CATSPERB: variants seen among roughly 807,000 people sequenced by gnomAD.
CATSPERB encodes the protein cation channel sperm-associated auxiliary subunit beta.
Under a neutral mutation model 128.3 loss-of-function variants are expected in CATSPERB, and 93 were observed. The ratio of observed to expected loss-of-function variants is 0.72; its 90% CI spans 0.61 to 0.86. CATSPERB has a LOEUF of 0.86. CATSPERB is among the 40% of genes least tolerant of loss of function. The pLI is 0.00. For missense variants in CATSPERB, 1,153 were observed against 1,329.5 expected (o/e 0.87, Z 2.06); for synonymous variants, 381 against 448.8 (o/e 0.85, Z 1.91).
chr14:91,667,714 A>T (rs1193913010), intron 14 of CATSPERB, among the ~76,000 whole-genome samples: 1 of 152,204 alleles, frequency 6.6e-6, no homozygotes, highest in Non-Finnish European at 1.5e-5. Flanking sequence ...TCAGGGAAAG[A>T]GTGTTGTTTT....
chr14:91,644,583 G>A (rs1894560741), intron 15 of CATSPERB, among the ~76,000 whole-genome samples: 1 of 97,254 alleles, frequency 1.0e-5, no homozygotes, highest in East Asian at 3.8e-4. Context: ...GAGATCCGCT[G>A]TTAGTCTGAT....
chr14:91,644,194 A>AATT (rs1211375484), intron 15 of CATSPERB, among the ~76,000 whole-genome samples: 14 of 129,044 alleles, frequency 1.1e-4, no homozygotes, highest in African/African-American at 4.1e-4. Flanking sequence ...TTAATTGGAG[A>AATT]ATTTAGTCCA....
At chr14:91,724,299 G>A (rs1896084016) in intron 3 of CATSPERB, among the ~76,000 whole-genome samples, 1 of 152,144 alleles carries the variant, frequency 6.6e-6, no homozygotes, top group African/African-American at 2.4e-5. Context: ...CCCCAGCTCT[G>A]TAAGTCCGTC....
rs962458942 is a variant in CATSPERB at position 91,725,129 on chromosome 14, A to G, written c.119T>C (p.Phe40Ser). 3 of 1,580,868 alleles carry G rather than the reference A, an allele frequency of 1.9e-6. No homozygotes were observed. Among genetic ancestry groups the G allele is most frequent in the Non-Finnish European group, 2.6e-6 (3 of 1,165,458 alleles). The change falls in exon 3 of 27, where the codon TTC (phenylalanine) becomes TCC (serine). Residue 40 changes from phenylalanine to serine, a missense_variant. Coordinates refer to ENST00000256343, the MANE Select transcript of CATSPERB (RefSeq NM_024764.4). ...EKRFACSNKG[F>S]PQENEIIKLY... ...CTTGATTATTTCATTCTCTTGAGGG[A>G]ACCCTTTGTTAGAACATGCAAAGCG...
chr14:91,701,864 T>C (rs1255220322), intron 7 of CATSPERB, among the ~76,000 whole-genome samples: 1 of 150,962 alleles, frequency 6.6e-6, no homozygotes, highest in Admixed American at 6.6e-5. Flanking sequence ...TGAGCCATGA[T>C]TGTGCCTCTG....
At chr14:91,589,235 C>T (rs535008536) in intron 24 of CATSPERB, among the ~76,000 whole-genome samples, 2 of 152,362 alleles carry the variant, frequency 1.3e-5, no homozygotes, top group Non-Finnish European at 2.9e-5. Context: ...TGCCAGACCA[C>T]CATGCAGCAC....
At chr14:91,583,792 T>A (rs1321906692) in intron 26 of CATSPERB, among the ~76,000 whole-genome samples, 1 of 152,194 alleles carries the variant, frequency 6.6e-6, no homozygotes, top group Non-Finnish European at 1.5e-5. Context: ...CTTTTTTTTT[T>A]CTTCAGTTAT....
At position 91,624,815 on chromosome 14, in the gene CATSPERB, C is replaced by A. The variant is rs367892558; in HGVS notation, c.1930+5G>T. 1.9e-6 allele frequency: 3 copies of A among 1,579,232 alleles called. No homozygotes were observed. The highest frequency in any genetic ancestry group is 1.4e-5 in the African/African-American group (1 of 72,828). On this transcript the variant is annotated splice_donor_5th_base_variant and intron_variant, in intron 18 of 26. Coordinates refer to ENST00000256343, the MANE Select transcript of CATSPERB (RefSeq NM_024764.4). ...ATCAGAGATGTATGATATTATTATA[C>A]CTACCTTGTGAATCAAGAGTGAGTT...
At chr14:91,630,124 T>C (rs1365783005) in intron 17 of CATSPERB, among the ~76,000 whole-genome samples, 1 of 152,204 alleles carries the variant, frequency 6.6e-6, no homozygotes, top group African/African-American at 2.4e-5. Context: ...ATTCTTATTT[T>C]ACTCAAGTCT....
chr14:91,674,866 C>T (rs920174229), intron 11 of CATSPERB, among the ~76,000 whole-genome samples: 3 of 152,184 alleles, frequency 2.0e-5, no homozygotes, highest in African/African-American at 4.8e-5. Context: ...TGGGACAGGA[C>T]ACACAGACCT....
intron 20 of CATSPERB, among the ~76,000 whole-genome samples, chr14:91,617,384 G>A (rs1893959712): frequency 6.6e-6 from 1 of 151,998 alleles, no homozygotes; most frequent in African/African-American, 2.4e-5. Flanking sequence ...AAATATATAA[G>A]TAATTACTAA....
chr14:91,690,579 A>G (rs555074746), intron 10 of CATSPERB, among the ~76,000 whole-genome samples: 2 of 152,298 alleles, frequency 1.3e-5, no homozygotes, highest in East Asian at 1.9e-4. Context: ...ATGGAATTCT[A>G]TTTTGACAGT....
chr14:91,718,031 A>G (rs1895971523), intron 5 of CATSPERB, among the ~76,000 whole-genome samples: 1 of 152,196 alleles, frequency 6.6e-6, no homozygotes, highest in Non-Finnish European at 1.5e-5. Flanking sequence ...TGACTTTAGA[A>G]TCAATGCTTT....
chr14:91,686,156 C>G (rs1895371874), intron 10 of CATSPERB, among the ~76,000 whole-genome samples: 1 of 152,202 alleles, frequency 6.6e-6, no homozygotes, highest in Non-Finnish European at 1.5e-5. Flanking sequence ...TCCCCTCACT[C>G]TTTCTCTTAC....
rs112740456 is a variant in CATSPERB at position 91,699,575 on chromosome 14, C to CT, written c.616+4976dup. Among the ~76,000 whole-genome samples the CT allele has an allele frequency of 4.0e-3, 556 of 140,256 alleles. 1 individual carries two copies. Among genetic ancestry groups the CT allele is most frequent in the African/African-American group, 9.5e-3 (365 of 38,356 alleles). The allele number at this position is 140,256 out of a possible 152,430, so 92.0% of individuals were successfully genotyped here. On this transcript the variant is annotated intron_variant, in intron 7 of 26. Transcript: ENST00000256343. ...AGCCTACTTGATCATGATGAATTAA[C>CT]TTTTTTTTTTTTTTTTAGATGGAGT...
intron 26 of CATSPERB, among the ~76,000 whole-genome samples, chr14:91,586,571 A>AAGAG (rs35756131): frequency 0.16 from 18,100 of 114,230 alleles, 1,597 homozygotes; most frequent in African/African-American, 0.23. Flanking sequence ...GAGAGAGAGA[A>AAGAG]AGAGAGAGAG....
chr14:91,684,061 A>C (rs545997640), intron 10 of CATSPERB, 118 bp from the exon 11 acceptor site: 2 of 616,494 alleles, frequency 3.2e-6, no homozygotes, highest in Non-Finnish European at 5.5e-6. Flanking sequence ...TGAGGCAAAG[A>C]GACAAAAATT....
chr14:91,719,738 A>G (rs940230194), intron 4 of CATSPERB, among the ~76,000 whole-genome samples: 2 of 152,218 alleles, frequency 1.3e-5, no homozygotes, highest in Non-Finnish European at 2.9e-5. Context: ...TGTATAATAT[A>G]GCCACATAGT....
At chr14:91,686,341 T>C (rs1566730988) in intron 10 of CATSPERB, among the ~76,000 whole-genome samples, 1 of 152,208 alleles carries the variant, frequency 6.6e-6, no homozygotes, top group African/African-American at 2.4e-5. Flanking sequence ...ATATAGGAAG[T>C]GCTCAACAAA....
Sources: gnomAD v4.1 joint callset for allele counts (sites outside exome capture counted in the v4.1 genomes callset) on GRCh38, gnomAD v4.1.1 for gene constraint, MANE v1.5 for transcripts, NCBI Gene and HGNC (gene_info 2026-07-23, HGNC 2026-07-21) for gene names.